The following THAP6 variants were observed in gnomAD, a reference collection of about 807,000 sequenced individuals.
The protein encoded by THAP6 is THAP domain containing 6.
In THAP6, 13 loss-of-function variants were observed where a neutral mutation model predicts 20.0. The ratio of observed to expected loss-of-function variants is 0.65; its 90% CI spans 0.42 to 1.03. The LOEUF (loss-of-function observed/expected upper bound fraction) is 1.03. Ranked by LOEUF, THAP6 falls within the 50% of genes least tolerant of loss-of-function variation. The pLI is 0.00. For synonymous variants in THAP6, 93 were observed against 92.2 expected (o/e 1.01, Z -0.05); for missense variants, 262 against 261.6 (o/e 1.00, Z -0.01).
downstream of THAP6, among the ~76,000 whole-genome samples, chr4:75,532,169 A>C (rs527826495): frequency 2.0e-5 from 3 of 152,324 alleles, no homozygotes; most frequent in Admixed American, 2.0e-4. Context: ...GTTACTTCCT[A>C]GATACAATGA....
Position 75,516,887 on chromosome 4 carries a change from T to G in THAP6, c.196T>G (p.Phe66Val), listed in dbSNP as rs1725686233. ...AGGAGATGTGTTGTGTTCGAGGCAC[T>G]TTAAGAAGACAGATTTTGACAGAAG... ...KKGDVLCSRH[F>V]KKTDFDRSAP... is the part of the protein sequence containing the mutation. The change falls in exon 3 of 5, where the codon TTT becomes GTT. Residue 66 changes from phenylalanine to valine, a missense_variant. By Grantham distance (50) the Phe-to-Val change is conservative (BLOSUM62 -1). Transcript: ENST00000311638. The G allele has an allele frequency of 1.2e-5, 19 of 1,614,150 alleles. No homozygotes were observed. Among genetic ancestry groups the G allele is most frequent in the Non-Finnish European group, 1.6e-5 (19 of 1,180,016 alleles).
chr4:75,543,890 T>C (rs1376861980), intron 3 of THAP6, among the ~76,000 whole-genome samples: 1 of 152,192 alleles, frequency 6.6e-6, no homozygotes, highest in Non-Finnish European at 1.5e-5. Context: ...TCTATCCTTG[T>C]TATGGCCATG....
downstream of THAP6, among the ~76,000 whole-genome samples, chr4:75,532,980 T>C (rs1475307477): frequency 6.6e-6 from 1 of 152,250 alleles, no homozygotes; most frequent in Non-Finnish European, 1.5e-5. Flanking sequence ...CCCCATTGTC[T>C]TGGGGATTAA....
upstream of THAP6, chr4:75,514,046 T>C: frequency 1.6e-6 from 2 of 1,250,072 alleles, no homozygotes; most frequent in Non-Finnish European, 2.2e-6. Context: ...GCCAAAAACG[T>C]TCTCCTCAAG....
chr4:75,514,140 C>T (rs778120136), upstream of THAP6: 4 of 1,573,018 alleles, frequency 2.5e-6, no homozygotes, highest in Non-Finnish European at 3.5e-6. Context: ...CCTGCCCAGC[C>T]CGCCCCAGCC....
intron 4 of THAP6, among the ~76,000 whole-genome samples, chr4:75,523,064 G>A (rs1445061611): frequency 6.6e-6 from 1 of 152,062 alleles, no homozygotes; most frequent in Non-Finnish European, 1.5e-5. Flanking sequence ...AATTTCCCCC[G>A]ACAGTGTACA....
chr4:75,525,516 T>C (rs1726309424), intron 4 of THAP6, among the ~76,000 whole-genome samples: 1 of 152,324 alleles, frequency 6.6e-6, no homozygotes, highest in African/African-American at 2.4e-5. Flanking sequence ...TTTGAATATA[T>C]AGAATACAAT....
intron 3 of THAP6, among the ~76,000 whole-genome samples, chr4:75,544,172 T>C (rs1409618508): frequency 2.0e-5 from 3 of 152,202 alleles, no homozygotes; most frequent in African/African-American, 7.2e-5. Flanking sequence ...TCAACAGTTA[T>C]AAAACATGGA....
At position 75,529,162 on chromosome 4, in the gene THAP6, A is replaced by T; in HGVS notation, c.*1948A>T. ...AAGTTTGGGTATGATCTTAGGTTTT[A>T]TGGAGATGTTTTCAATAGAGATTAT... On this transcript the variant is annotated 3_prime_UTR_variant, in exon 5 of 5. Transcript: ENST00000311638. The T allele has an allele frequency of 1.0e-6, 1 of 983,200 alleles. No homozygotes were observed. Among genetic ancestry groups the T allele is most frequent in the Non-Finnish European group, 1.2e-6 (1 of 827,890 alleles). The allele number at this position is 983,200 out of a possible 1,614,324, so 60.9% of individuals were successfully genotyped here. A position where few individuals can be genotyped will look rare whatever the true frequency, so the allele number is the denominator to read the frequency against.
chr4:75,521,861 T>G lies in THAP6; in HGVS notation c.414T>G (p.Phe138Leu). 1 of 1,613,476 alleles carries G rather than the reference T, an allele frequency of 6.2e-7. No homozygotes were observed. Among genetic ancestry groups the G allele is most frequent in the Non-Finnish European group, 8.5e-7 (1 of 1,179,592 alleles). The stretch of plus-strand genomic sequence containing the variant: ...AAGAATTCCAATCCCAGTTCATTTT[T>G]GTAAGTAAATTACTTGCTGAGCTCA... ...CIEEFQSQFI[F>L]EHSYSVMDSP... The change falls in exon 4 of 5, where the codon TTT becomes TTG. Residue 138 changes from phenylalanine to leucine, a missense_variant and splice_region_variant. By Grantham distance (22) the Phe-to-Leu change is conservative. Transcript: ENST00000311638.
intron 3 of THAP6, chr4:75,542,549 T>C (rs1388731606): frequency 4.4e-6 from 3 of 684,692 alleles, no homozygotes; most frequent in Non-Finnish European, 5.3e-6. Context: ...AACAACCCTA[T>C]AAGGTAGGTA....
intron 3 of THAP6, among the ~76,000 whole-genome samples, chr4:75,520,212 G>T (rs1251420848): frequency 6.6e-6 from 1 of 152,120 alleles, no homozygotes; most frequent in Non-Finnish European, 1.5e-5. Flanking sequence ...TGAGTTCATT[G>T]TAGATTCTGG....
chr4:75,521,952 A>G (rs1182344598), intron 4 of THAP6, 91 bp downstream of exon 4: 1 of 1,489,406 alleles, frequency 6.7e-7, no homozygotes, highest in African/African-American at 1.4e-5. Context: ...TCCTAGCAAA[A>G]TCTAGGGGTT....
intron 3 of THAP6, chr4:75,542,559 A>AC (rs1727033830): frequency 1.5e-6 from 1 of 645,248 alleles, no homozygotes; most frequent in Admixed American, 2.5e-5. Context: ...TAAGGTAGGT[A>AC]CTATTATTAT....
downstream of THAP6, among the ~76,000 whole-genome samples, chr4:75,533,015 AAGTTTCTGCAGCC>A (rs1308340776): frequency 2.6e-5 from 4 of 152,116 alleles, no homozygotes; most frequent in African/African-American, 9.7e-5. Context: ...TTACTTACGC[AAGTTTCTGCAGCC>A]GGCTTGAATT....
At chr4:75,522,062 T>A in intron 4 of THAP6, 1 of 527,768 alleles carries the variant, frequency 1.9e-6, no homozygotes, top group Non-Finnish European at 3.2e-6. Flanking sequence ...GTTACATATG[T>A]AGTTCACTGA....
intron 4 of THAP6, among the ~76,000 whole-genome samples, chr4:75,525,837 A>G (rs914486219): frequency 6.6e-6 from 1 of 152,190 alleles, no homozygotes; most frequent in African/African-American, 2.4e-5. Flanking sequence ...AAGTCTGGCT[A>G]GTGGGAATAG....
chr4:75,539,219 C>A (rs926953575), intron 2 of THAP6, among the ~76,000 whole-genome samples: 1 of 152,188 alleles, frequency 6.6e-6, no homozygotes, highest in Non-Finnish European at 1.5e-5. Flanking sequence ...TTGGACAACA[C>A]ACATGGCTCA....
chr4:75,539,765 G>A (rs2148831750), intron 2 of THAP6: 2 of 1,506,896 alleles, frequency 1.3e-6, no homozygotes, highest in East Asian at 4.9e-5. Context: ...CATTGGTGGT[G>A]AGAATTTTAT....
Sources: gnomAD v4.1 joint callset for allele counts (sites outside exome capture counted in the v4.1 genomes callset) on GRCh38, gnomAD v4.1.1 for gene constraint, MANE v1.5 for transcripts, NCBI Gene and HGNC (gene_info 2026-07-23, HGNC 2026-07-21) for gene names.